BTBD8: variants seen among roughly 807,000 people sequenced by gnomAD.
The protein encoded by BTBD8 is BTB domain containing 8.
In BTBD8, 110 loss-of-function variants were observed where a neutral mutation model predicts 162.9. The ratio of observed to expected loss-of-function variants is 0.68; its 90% confidence interval spans 0.58 to 0.79. BTBD8 has a LOEUF of 0.79. BTBD8 is among the 30% of genes least tolerant of loss of function. BTBD8 has a pLI of 0.00. For missense variants in BTBD8, 1,905 were observed against 2,085.4 expected (o/e 0.91, Z 1.68); for synonymous variants, 667 against 716.1 (o/e 0.93, Z 1.10).
At chr1:92,127,213 A>G (rs541317930) in intron 4 of BTBD8, among the ~76,000 whole-genome samples, 116 of 152,348 alleles carry the variant, frequency 7.6e-4, no homozygotes, top group African/African-American at 2.7e-3. Context: ...TGATTTAACT[A>G]CATCTGCCTC....
In BTBD8 at chr1:92,144,287, A is replaced by G. The variant is rs114774878; in HGVS notation, c.931-2893A>G. ...CTGTGCCCAGCCTTAGTTCTTAATT[A>G]TGCAATTTTTTGGCTGTGACTTAAA... On this transcript the variant is annotated intron_variant, in intron 7 of 17. Coordinates refer to ENST00000636805, the MANE Select transcript of BTBD8 (RefSeq NM_001376131.1). Among the ~76,000 whole-genome samples the G allele has an allele frequency of 9.8e-3, 1,495 of 151,948 alleles. 19 individuals carry two copies. Among genetic ancestry groups the G allele is most frequent in the African/African-American group, 0.035 (1,440 of 41,480 alleles).
chr1:92,119,400 C>T (rs553099703), intron 4 of BTBD8, among the ~76,000 whole-genome samples: 89 of 151,020 alleles, frequency 5.9e-4, no homozygotes, highest in Non-Finnish European at 1.2e-3. Context: ...ATCCTCCCAC[C>T]TCAGCCTCTT....
In BTBD8 at chr1:92,141,109, T is replaced by A; in HGVS notation, c.834-6T>A. The A allele has an allele frequency of 6.5e-7, 1 of 1,541,462 alleles. No homozygotes were observed. Among genetic ancestry groups the A allele is most frequent in the Middle Eastern group, 1.7e-4 (1 of 5,800 alleles). On this transcript the variant is annotated splice_region_variant and splice_polypyrimidine_tract_variant and intron_variant, in intron 6 of 17. Coordinates refer to ENST00000636805, the MANE Select transcript of BTBD8 (RefSeq NM_001376131.1). ...AGAATTAACAGTGCATCTATTTTTA[T>A]TTTAGTCAGATACTCAATATGGCTG...
intron 1 of BTBD8, among the ~76,000 whole-genome samples, chr1:92,086,630 CAA>C (rs1055306738): frequency 7.4e-6 from 1 of 135,932 alleles, no homozygotes; most frequent in Non-Finnish European, 1.6e-5. Flanking sequence ...GACTCTGTCT[CAA>C]AAAAAAAAAG....
In BTBD8 at chr1:92,182,551, G is replaced by A. The variant is rs1052513576; in HGVS notation, c.4868G>A (p.Ser1623Asn). The A allele has an allele frequency of 2.6e-6, 4 of 1,528,490 alleles. No individual in the cohort carries two copies. In the African/African-American group the frequency reaches 4.2e-5, roughly 16 times the overall value. 94.7% of individuals were successfully genotyped at this position (1,528,490 alleles called of 1,614,324 possible). ...VLPQEGPVKESHSTTTEKANI... is the reference protein window; with the variant it reads ...VLPQEGPVKENHSTTTEKANI... ...CCTCAGGAAGGTCCAGTGAAAGAGA[G>A]CCATTCTACAACTACTGAAAAAGCT... The change falls in exon 17 of 18, where the codon AGC becomes AAC. Residue 1623 changes from serine to asparagine, a missense_variant. By Grantham distance (46) the Ser-to-Asn change is conservative. Transcript: ENST00000636805.
At chr1:92,178,175 A>G (rs1483122717) in intron 15 of BTBD8, 137 bp from the exon 16 acceptor site, 2 of 708,246 alleles carry the variant, frequency 2.8e-6, no homozygotes, top group African/African-American at 1.8e-5. Flanking sequence ...AAAAAGACTT[A>G]TGAGCATATG....
intron 1 of BTBD8, among the ~76,000 whole-genome samples, chr1:92,085,669 G>T (rs1171551168): frequency 2.0e-5 from 3 of 152,184 alleles, no homozygotes; most frequent in Non-Finnish European, 4.4e-5. Context: ...GGTAGAGGTT[G>T]CAGTGAGCCA....
chr1:92,129,085 A>G (rs1649440205), intron 4 of BTBD8, among the ~76,000 whole-genome samples: 1 of 152,042 alleles, frequency 6.6e-6, no homozygotes, highest in Admixed American at 6.5e-5. Flanking sequence ...GCTGATCAGT[A>G]CTTTGTCTTT....
intron 5 of BTBD8, among the ~76,000 whole-genome samples, chr1:92,130,524 A>AAG (rs1649488567): frequency 9.9e-6 from 1 of 100,506 alleles, no homozygotes; most frequent in African/African-American, 3.8e-5. Flanking sequence ...AAAAAAATAT[A>AAG]TATATATATA....
At chr1:92,159,363 G>T (rs1278493394) in intron 9 of BTBD8, among the ~76,000 whole-genome samples, 1 of 151,772 alleles carries the variant, frequency 6.6e-6, no homozygotes, top group African/African-American at 2.4e-5. Flanking sequence ...TTTTTGTAGA[G>T]ACAGGGTTTT....
chr1:92,115,491 A>G (rs1385825484), intron 4 of BTBD8: 1 of 439,216 alleles, frequency 2.3e-6, no homozygotes, highest in Non-Finnish European at 4.4e-6. Flanking sequence ...AGCCTTCTCC[A>G]CGGTAGTGAA....
Position 92,173,362 on chromosome 1 carries a change from A to G in BTBD8, c.1635+1902A>G, listed in dbSNP as rs1301979650. ...ATGGAATACGACTAGGGTCCCGACA[A>G]CCCTTTTAAAGCATATTATACGATT... On this transcript the variant is annotated intron_variant, in intron 13 of 17. Coordinates refer to ENST00000636805, the MANE Select transcript of BTBD8 (RefSeq NM_001376131.1). 3.3e-5 allele frequency among the ~76,000 whole-genome samples: 5 copies of G among 152,182 alleles called. No homozygotes were observed. In the South Asian group the frequency reaches 8.3e-4, roughly 25 times the overall value.
At chr1:92,157,599 G>A (rs1209112150) in intron 9 of BTBD8, among the ~76,000 whole-genome samples, 1 of 152,050 alleles carries the variant, frequency 6.6e-6, no homozygotes, top group Non-Finnish European at 1.5e-5. Flanking sequence ...AAACTCCTGG[G>A]CTTAAGTGAT....
rs1647969785 is a variant in BTBD8 at position 92,080,509 on chromosome 1, C to T, written c.-63C>T. 4.4e-6 allele frequency: 7 copies of T among 1,584,546 alleles called. No individual in the cohort carries two copies. In the South Asian group the frequency reaches 8.0e-5, roughly 18 times the overall value. On this transcript the variant is annotated 5_prime_UTR_variant, in exon 1 of 18. Transcript: ENST00000636805. ...GTTCGGTCGGAAACGCCCCCTTCTT[C>T]CTCCTGGGCGGGGCAAGTGAGGCCA...
intron 4 of BTBD8, chr1:92,126,414 AC>A: frequency 1.1e-6 from 1 of 889,552 alleles, no homozygotes; most frequent in Non-Finnish European, 1.8e-6. Context: ...CCAGGCTCAG[AC>A]CTCCTCAAAC....
intron 9 of BTBD8, among the ~76,000 whole-genome samples, chr1:92,153,513 A>G (rs911442178): frequency 6.6e-6 from 1 of 152,126 alleles, no homozygotes; most frequent in Non-Finnish European, 1.5e-5. Context: ...GCCCAATGAT[A>G]GCAACTCCCC....
chr1:92,124,696 C>G lies in BTBD8; in HGVS notation c.663-4991C>G, dbSNP rs574209706. On this transcript the variant is annotated intron_variant, in intron 4 of 17. Transcript: ENST00000636805. ...CTGGAGCCCAGGTGTTTGAGATTAG[C>G]TAGAGCAACATAGTAAGACTCTGTC... is the stretch of plus-strand genomic sequence containing the variant. 2.6e-5 allele frequency among the ~76,000 whole-genome samples: 4 copies of G among 152,260 alleles called. No individual in the cohort carries two copies. In the South Asian group the frequency reaches 8.3e-4, roughly 32 times the overall value.
At position 92,184,172 on chromosome 1, in the gene BTBD8, A is replaced by C. The variant is rs751086398; in HGVS notation, c.5221A>C (p.Lys1741Gln). ...QTLLLARDSS[K>Q]PQGITHIDTL... ...ACTACTTTTAGCACGAGATAGCTCAAAACCTCAGGGTATAACACATATTGA... is the reference window on the plus strand; with the variant it reads ...ACTACTTTTAGCACGAGATAGCTCACAACCTCAGGGTATAACACATATTGA... The change falls in exon 18 of 18, where the codon AAA (lysine) becomes CAA (glutamine). Residue 1741 changes from lysine to glutamine, a missense_variant. Around this residue, in one of 3 missense-constraint regions of BTBD8, gnomAD observed 517 missense variants for 606.6 expected, o/e 0.85. Transcript: ENST00000636805. 1 of 1,551,526 alleles carries C rather than the reference A, an allele frequency of 6.4e-7. No individual in the cohort carries two copies. Among genetic ancestry groups the C allele is most frequent in the Non-Finnish European group, 8.7e-7 (1 of 1,146,892 alleles).
At chr1:92,134,895 A>ATTT (rs11375777) in intron 5 of BTBD8, among the ~76,000 whole-genome samples, 10 of 144,440 alleles carry the variant, frequency 6.9e-5, no homozygotes, top group Admixed American at 2.8e-4. Flanking sequence ...TAATTAATTA[A>ATTT]TTTTTTTTTT....
Sources: gnomAD v4.1 joint callset for allele counts (sites outside exome capture counted in the v4.1 genomes callset) on GRCh38, gnomAD v4.1.1 for gene constraint, gnomAD v4.1.1 regional missense constraint, MANE v1.5 for transcripts, NCBI Gene and HGNC (gene_info 2026-07-23, HGNC 2026-07-21) for gene names.